The following PARM1 variants were observed in gnomAD, a reference collection of about 807,000 sequenced individuals.
PARM1 encodes the protein WSC4, cell wall integrity and stress response component 4 homolog.
In PARM1, 14 loss-of-function variants were observed where a neutral mutation model predicts 24.6. That is an observed-to-expected ratio of 0.57 (90% CI 0.38 to 0.89). PARM1 has a LOEUF of 0.89. PARM1 is among the 40% of genes least tolerant of loss of function. The pLI, the probability that PARM1 is intolerant of heterozygous loss-of-function variation, is 0.00. For synonymous variants in PARM1, 179 were observed against 156.6 expected, an observed-to-expected ratio of 1.14 and a Z score of -1.07; for missense variants, 362 against 380.4, an observed-to-expected ratio of 0.95 and a Z score of 0.40.
At chr4:75,041,864 G>T (rs1410862354) in intron 3 of PARM1, among the ~76,000 whole-genome samples, 1 of 152,094 alleles carries the variant, frequency 6.6e-6, no homozygotes, top group Non-Finnish European at 1.5e-5. Context: ...GTTTTAATTT[G>T]CTTACTGCAC....
At chr4:74,982,844 T>C (rs1470763338) in intron 1 of PARM1, among the ~76,000 whole-genome samples, 1 of 152,266 alleles carries the variant, frequency 6.6e-6, no homozygotes, top group Non-Finnish European at 1.5e-5. Flanking sequence ...ATTCTTTTTA[T>C]ATGCAAAATC....
At chr4:75,000,050 G>T (rs1025530087) in intron 1 of PARM1, among the ~76,000 whole-genome samples, 2 of 152,118 alleles carry the variant, frequency 1.3e-5, no homozygotes, top group South Asian at 2.1e-4. Flanking sequence ...ACACTGACAG[G>T]TCCAGCTGCC....
At chr4:75,016,390 C>A (rs1722987801) in intron 2 of PARM1, among the ~76,000 whole-genome samples, 1 of 151,186 alleles carries the variant, frequency 6.6e-6, no homozygotes, top group African/African-American at 2.5e-5. Flanking sequence ...ATTCTTAGAT[C>A]TTTTTTTTGT....
intron 1 of PARM1, among the ~76,000 whole-genome samples, chr4:74,989,056 A>G (rs1027558529): frequency 1.3e-5 from 2 of 152,138 alleles, no homozygotes; most frequent in African/African-American, 2.4e-5. Flanking sequence ...GGAAAAAACC[A>G]AAGTATTTTT....
At chr4:75,012,002 C>T (rs1189202322) in intron 1 of PARM1, among the ~76,000 whole-genome samples, 3 of 152,178 alleles carry the variant, frequency 2.0e-5, no homozygotes, top group African/African-American at 7.2e-5. Context: ...TCATCACCAA[C>T]CACTCCTTCC....
intron 1 of PARM1, among the ~76,000 whole-genome samples, chr4:74,940,047 T>C (rs1226155118): frequency 1.3e-5 from 2 of 152,204 alleles, no homozygotes; most frequent in African/African-American, 4.8e-5. Context: ...TCTGTGTGTT[T>C]TTTTTGTTTT....
intron 1 of PARM1, among the ~76,000 whole-genome samples, chr4:74,966,153 C>T (rs187969063): frequency 6.6e-6 from 1 of 152,294 alleles, no homozygotes; most frequent in Admixed American, 6.5e-5. Context: ...TGAACTTAAG[C>T]TCCTTGCTAA....
In PARM1 at chr4:75,012,476, C is replaced by T. The variant is rs182618057; in HGVS notation, c.95C>T (p.Pro32Leu). 7.8e-5 allele frequency: 126 copies of T among 1,613,844 alleles called. No homozygotes were observed. Among genetic ancestry groups the T allele is most frequent in the Admixed American group, 4.8e-4 (29 of 60,020 alleles). ...TCAGCTCCTTTGTCTGTTTCTCTTC[C>T]GACAAACATTGTACCACCGACCACC... ...PTSAPLSVSL[P>L]TNIVPPTTIW... Residue 32 changes from proline (P) to leucine (L), a missense_variant, in exon 2 of 4, where the codon CCG becomes CTG. Transcript: ENST00000307428.
chr4:75,045,953 G>A (rs1299126577), intron 3 of PARM1, among the ~76,000 whole-genome samples: 1 of 152,170 alleles, frequency 6.6e-6, no homozygotes, highest in Non-Finnish European at 1.5e-5. Flanking sequence ...GAACATGCCA[G>A]TCAGGATCCT....
chr4:75,007,485 C>T (rs1722793799), intron 1 of PARM1, among the ~76,000 whole-genome samples: 2 of 152,016 alleles, frequency 1.3e-5, no homozygotes, highest in Admixed American at 6.5e-5. Context: ...CCAATTCTTC[C>T]TCTTAGTGTA....
Position 75,012,577 on chromosome 4 carries a change from C to T in PARM1, c.196C>T (p.Leu66Phe). The T allele has an allele frequency of 6.2e-7, 1 of 1,613,956 alleles. No individual in the cohort carries two copies. The highest frequency in any genetic ancestry group is 1.1e-5 in the South Asian group (1 of 91,082). Residue 66 changes from leucine to phenylalanine, a missense_variant, in exon 2 of 4, where the codon CTC becomes TTC. Physicochemically the swap from Leu to Phe is conservative, Grantham distance 22. Transcript: ENST00000307428. The stretch of plus-strand genomic sequence containing the variant: ...CAACGGCACTCACAACAACTCGGTG[C>T]TCCCAGTTACAGCATCAGCCCCAAC... Reference protein sequence around the residue: ...PSNGTHNNSVLPVTASAPTSL... With the variant: ...PSNGTHNNSVFPVTASAPTSL...
intron 1 of PARM1, among the ~76,000 whole-genome samples, chr4:74,974,590 G>A (rs750383139): frequency 1.3e-5 from 2 of 152,198 alleles, no homozygotes; most frequent in Non-Finnish European, 2.9e-5. Context: ...GGTGATTGCA[G>A]TCATAGTAGA....
chr4:74,958,957 A>T (rs908648374), intron 1 of PARM1, among the ~76,000 whole-genome samples: 36 of 152,186 alleles, frequency 2.4e-4, no homozygotes, highest in African/African-American at 8.7e-4. Context: ...GCTTCTCAAG[A>T]GTCTTTTTAA....
At chr4:74,982,115 T>C (rs2109772992) in intron 1 of PARM1, among the ~76,000 whole-genome samples, 1 of 152,212 alleles carries the variant, frequency 6.6e-6, no homozygotes, top group Non-Finnish European at 1.5e-5. Context: ...TATGCACCCA[T>C]AAAAAGGAAT....
rs574824133 is a variant in PARM1, at chr4:74,959,316, A to G, written c.43+25946A>G. On this transcript the variant is annotated intron_variant, in intron 1 of 3. Coordinates refer to ENST00000307428, the MANE Select transcript of PARM1 (RefSeq NM_015393.4). ...GGGAAATTGATTTGCACAGGGTCAC[A>G]TAACTAATGACAGACCTGGTGCTAG... 9.8e-5 allele frequency among the ~76,000 whole-genome samples: 15 copies of G among 152,370 alleles called. No homozygotes were observed. In the East Asian group the frequency reaches 2.5e-3, roughly 25 times the overall value.
intron 1 of PARM1, among the ~76,000 whole-genome samples, chr4:75,002,156 A>G (rs1028537162): frequency 6.6e-6 from 1 of 152,210 alleles, no homozygotes; most frequent in South Asian, 2.1e-4. Context: ...TCAGGAAAAG[A>G]AGTGGACAAG....
At chr4:75,017,009 TC>T (rs993624930) in intron 2 of PARM1, among the ~76,000 whole-genome samples, 7 of 152,152 alleles carry the variant, frequency 4.6e-5, no homozygotes, top group African/African-American at 7.2e-5. Context: ...TGCCCCTTGA[TC>T]ATTTCCTGTC....
At chr4:74,968,532 A>G (rs1306625373) in intron 1 of PARM1, among the ~76,000 whole-genome samples, 3 of 152,210 alleles carry the variant, frequency 2.0e-5, no homozygotes, top group South Asian at 4.1e-4. Flanking sequence ...GTCAGTGTGC[A>G]TGGAAGAAGA....
At chr4:74,940,548 T>TA (rs1721284296) in intron 1 of PARM1, among the ~76,000 whole-genome samples, 1 of 152,234 alleles carries the variant, frequency 6.6e-6, no homozygotes, top group African/African-American at 2.4e-5. Context: ...CCTCATGATC[T>TA]AACCACTTCC....
Sources: gnomAD v4.1 joint callset for allele counts (sites outside exome capture counted in the v4.1 genomes callset) on GRCh38, gnomAD v4.1.1 for gene constraint, MANE v1.5 for transcripts, NCBI Gene and HGNC (gene_info 2026-07-23, HGNC 2026-07-21) for gene names.